Variants in CREBL2 observed in about 807,000 individuals in gnomAD.
CREBL2 encodes the protein cAMP-responsive element-binding protein-like 2.
Under a neutral mutation model 19.5 loss-of-function variants are expected in CREBL2, and 4 were observed. The observed-to-expected ratio is 0.20, with a 90% CI of 0.10 to 0.47. CREBL2 has a LOEUF of 0.47. CREBL2 is among the 20% of genes least tolerant of loss of function. The pLI is 0.98. For missense variants in CREBL2, 85 were observed against 145.1 expected (o/e 0.59, Z 2.13); for synonymous variants, 42 against 46.6 (o/e 0.90, Z 0.40).
intron 1 of CREBL2, among the ~76,000 whole-genome samples, chr12:12,621,163 A>G (rs1945356374): frequency 6.6e-6 from 1 of 152,214 alleles, no homozygotes; most frequent in Non-Finnish European, 1.5e-5. Flanking sequence ...CCATTGTATC[A>G]TGAAAGCAAC....
At chr12:12,613,261 A>G (rs1042227167) in intron 1 of CREBL2, among the ~76,000 whole-genome samples, 31 of 152,304 alleles carry the variant, frequency 2.0e-4, no homozygotes, top group African/African-American at 6.7e-4. Context: ...TTGATGTTTC[A>G]GGTTGTTTTG....
At chr12:12,630,018 T>C (rs568707379) in intron 1 of CREBL2, among the ~76,000 whole-genome samples, 3 of 152,296 alleles carry the variant, frequency 2.0e-5, no homozygotes, top group African/African-American at 7.2e-5. Flanking sequence ...TAGTATTTTA[T>C]TGAGGATTTT....
chr12:12,640,726 C>T (rs770888824), intron 3 of CREBL2, among the ~76,000 whole-genome samples: 1 of 152,226 alleles, frequency 6.6e-6, no homozygotes, highest in East Asian at 1.9e-4. Context: ...GCCGGTCCCT[C>T]TGTTCAGGGT....
rs1057387294 is a variant in CREBL2 at position 12,642,498 on chromosome 12, G to C, written c.*500G>C. 1 of 152,738 alleles carries C rather than the reference G, an allele frequency of 6.5e-6. No homozygotes were observed. The highest frequency in any genetic ancestry group is 2.4e-5 in the African/African-American group (1 of 41,410). 9.5% of individuals were successfully genotyped at this position (152,738 alleles called of 1,614,324 possible). ...CCTAATCTTATTTTTATTTACTTGA[G>C]TAATGTTTATTCTCTGCATGAACCA... On this transcript the variant is annotated 3_prime_UTR_variant, in exon 4 of 4. Coordinates refer to ENST00000228865, the MANE Select transcript of CREBL2 (RefSeq NM_001310.4).
At position 12,632,285 on chromosome 12, in the gene CREBL2, G is replaced by A. The variant is rs540791422; in HGVS notation, c.16-3492G>A. Reference sequence around the variant, plus strand: ...GTAGAGACGGGGTTTCACCGTTTTAGTCAGGATGGTCTCGATCTCCTGACC... The same window carrying A: ...GTAGAGACGGGGTTTCACCGTTTTAATCAGGATGGTCTCGATCTCCTGACC... On this transcript the variant is annotated intron_variant, in intron 1 of 3. Coordinates refer to ENST00000228865, the MANE Select transcript of CREBL2 (RefSeq NM_001310.4). 2.5e-3 allele frequency among the ~76,000 whole-genome samples: 382 copies of A among 151,608 alleles called. 5 individuals carry two copies. Among genetic ancestry groups the A allele is most frequent in the Middle Eastern group, 0.014 (4 of 294 alleles).
chr12:12,639,613 C>A (rs1378103001), intron 3 of CREBL2, among the ~76,000 whole-genome samples: 1 of 151,910 alleles, frequency 6.6e-6, no homozygotes. Flanking sequence ...TGTCTAGGTC[C>A]CCTGCTCATG....
At chr12:12,622,127 T>C (rs999198851) in intron 1 of CREBL2, among the ~76,000 whole-genome samples, 20 of 152,238 alleles carry the variant, frequency 1.3e-4, no homozygotes, top group African/African-American at 4.6e-4. Flanking sequence ...AAGGACCTTA[T>C]TGAGTTATTG....
At chr12:12,627,391 T>C (rs1382395245) in intron 1 of CREBL2, among the ~76,000 whole-genome samples, 4 of 152,160 alleles carry the variant, frequency 2.6e-5, no homozygotes, top group African/African-American at 9.7e-5. Flanking sequence ...CTGAGGCCAT[T>C]AACAGGCACT....
chr12:12,642,266 A>T lies in CREBL2; in HGVS notation c.*268A>T. 1 of 325,916 alleles carries T rather than the reference A, an allele frequency of 3.1e-6. No individual in the cohort carries two copies. The highest frequency in any genetic ancestry group is 5.6e-6 in the Non-Finnish European group (1 of 178,718). The allele number at this position is 325,916 out of a possible 1,614,324, so 20.2% of individuals were successfully genotyped here. On this transcript the variant is annotated 3_prime_UTR_variant, in exon 4 of 4. Coordinates refer to ENST00000228865, the MANE Select transcript of CREBL2 (RefSeq NM_001310.4). ...TTAACATGTTGTGATGCTTGAAAAC[A>T]CAGGAGTAGAGAAAATCGATGAAGA...
intron 1 of CREBL2, among the ~76,000 whole-genome samples, chr12:12,621,934 G>A (rs1402050426): frequency 6.6e-6 from 1 of 152,110 alleles, no homozygotes; most frequent in Non-Finnish European, 1.5e-5. Flanking sequence ...AACAGATTAG[G>A]GTGAAAATGT....
chr12:12,611,882 G>T lies in CREBL2; in HGVS notation c.-291G>T. 2.0e-6 allele frequency: 1 copy of T among 505,000 alleles called. No homozygotes were observed. Among genetic ancestry groups the T allele is most frequent in the Non-Finnish European group, 3.5e-6 (1 of 285,062 alleles). The allele number at this position is 505,000 out of a possible 1,614,324, so 31.3% of individuals were successfully genotyped here. A position where few individuals can be genotyped will look rare whatever the true frequency, so the allele number is the denominator to read the frequency against. On this transcript the variant is annotated 5_prime_UTR_variant, in exon 1 of 4. Coordinates refer to ENST00000228865, the MANE Select transcript of CREBL2 (RefSeq NM_001310.4). The stretch of plus-strand genomic sequence containing the variant: ...GCGCTCCCGCCCACCCTCCGGTCTC[G>T]GCGGCTCTCCAGAGCGTCTGTAAAC...
At chr12:12,634,312 TGAA>T in intron 1 of CREBL2, among the ~76,000 whole-genome samples, 1 of 152,312 alleles carries the variant, frequency 6.6e-6, no homozygotes, top group African/African-American at 2.4e-5. Context: ...AGCTAAACAA[TGAA>T]GAAGATTAAA....
At chr12:12,627,567 T>G (rs1468256903) in intron 1 of CREBL2, among the ~76,000 whole-genome samples, 1 of 152,240 alleles carries the variant, frequency 6.6e-6, no homozygotes, top group East Asian at 1.9e-4. Context: ...CATTCCATTT[T>G]ATAGCTGAAT....
chr12:12,617,434 C>G (rs115987355), intron 1 of CREBL2, among the ~76,000 whole-genome samples: 1,564 of 152,076 alleles, frequency 0.01, 22 homozygotes, highest in African/African-American at 0.036. Context: ...ATTTATTTAA[C>G]TTTTTTGAGC....
intron 2 of CREBL2, among the ~76,000 whole-genome samples, chr12:12,636,964 G>A (rs2136306618): frequency 6.6e-6 from 1 of 152,328 alleles, no homozygotes; most frequent in South Asian, 2.1e-4. Flanking sequence ...GACATGAACA[G>A]TGTTGTATAT....
chr12:12,641,271 T>TTTTTTTTTTTTTTTTTG (rs1945519101), intron 3 of CREBL2, among the ~76,000 whole-genome samples: 1 of 141,314 alleles, frequency 7.1e-6, no homozygotes, highest in African/African-American at 2.6e-5. Flanking sequence ...TTATTTTTTT[T>TTTTTTTTTTTTTTTTTG]TTTTTTAGGT....
At chr12:12,632,722 A>G (rs1042675632) in intron 1 of CREBL2, 14 of 152,072 alleles carry the variant, frequency 9.2e-5, no homozygotes, top group Non-Finnish European at 1.9e-4. Context: ...AGTGTATTCA[A>G]TAGTAAATAC....
intron 1 of CREBL2, among the ~76,000 whole-genome samples, chr12:12,628,303 G>A (rs939252299): frequency 6.6e-6 from 1 of 152,036 alleles, no homozygotes; most frequent in African/African-American, 2.4e-5. Context: ...ATTGGCATTT[G>A]TATATCTTCT....
chr12:12,616,144 A>G (rs533944805), intron 1 of CREBL2, among the ~76,000 whole-genome samples: 1 of 152,206 alleles, frequency 6.6e-6, no homozygotes, highest in Non-Finnish European at 1.5e-5. Context: ...TCTGATTTTC[A>G]GTTTTTTCCT....
Sources: gnomAD v4.1 joint callset for allele counts (sites outside exome capture counted in the v4.1 genomes callset) on GRCh38, gnomAD v4.1.1 for gene constraint, MANE v1.5 for transcripts, NCBI Gene and HGNC (gene_info 2026-07-23, HGNC 2026-07-21) for gene names.